Variants in ADCY1 observed in about 807,000 individuals in gnomAD.
The protein encoded by ADCY1 is adenylate cyclase type 1.
A neutral mutation model predicts 105.4 loss-of-function variants in ADCY1; 28 were observed. The observed-to-expected ratio is 0.27, with a 90% CI of 0.20 to 0.36. The LOEUF is 0.36. Ranked by LOEUF, ADCY1 falls within the 10% of genes least tolerant of loss-of-function variation. The probability of loss-of-function intolerance (pLI) is 1.00; values close to 1 mark genes in which losing one functional copy is unlikely to be tolerated. For missense variants in ADCY1, 977 were observed against 1,434.2 expected (o/e 0.68, Z 5.15); for synonymous variants, 655 against 623.8 (o/e 1.05, Z -0.75).
Position 45,721,825 on chromosome 7 carries a change from C to A in ADCY1, c.*7830C>A. 1 of 398,634 alleles carries A rather than the reference C, an allele frequency of 2.5e-6. No individual in the cohort carries two copies. 24.7% of individuals were successfully genotyped at this position (398,634 alleles called of 1,614,324 possible). On this transcript the variant is annotated 3_prime_UTR_variant, in exon 20 of 20. Transcript: ENST00000297323. ...TCCTGGGCATTGGTTCCTGCTGGTA[C>A]CGGGCGGTTCAGACCTTCAAATAGG...
chr7:45,623,357 G>A (rs757943864), intron 4 of ADCY1, among the ~76,000 whole-genome samples: 6 of 152,246 alleles, frequency 3.9e-5, no homozygotes, highest in Non-Finnish European at 8.8e-5. Context: ...TGCATGTTAG[G>A]AAGCAAAGAT....
chr7:45,706,436 A>T (rs1353258354), intron 17 of ADCY1, among the ~76,000 whole-genome samples: 1 of 140,068 alleles, frequency 7.1e-6, no homozygotes, highest in African/African-American at 2.6e-5. Flanking sequence ...TAGCAATACC[A>T]TGGAGAAAGG....
rs751166710 is a variant in ADCY1, at chr7:45,686,556, C to G, written c.2337C>G (p.Ala779=). 1.7e-5 allele frequency: 27 copies of G among 1,610,804 alleles called. No individual in the cohort carries two copies. In the South Asian group the frequency reaches 2.6e-4, roughly 16 times the overall value. The change falls in exon 14 of 20, where the codon GCC becomes GCG. Residue 779 remains alanine, a synonymous_variant. Coordinates refer to ENST00000297323, the MANE Select transcript of ADCY1 (RefSeq NM_021116.4). The surrounding 1 kb of genome is among the most constrained non-coding windows in gnomAD (Gnocchi z 4.3). The stretch of plus-strand genomic sequence containing the variant: ...CCTCATCTTCCCCCAGGGGTGGTGC[C>G]GTCTCCGGGCGCAGCTACGAGCCGA... The part of the protein sequence containing the change: ...LSGYTRTGGG[A]VSGRSYEPIV...
chr7:45,579,945 T>A (rs1562670536), intron 1 of ADCY1, among the ~76,000 whole-genome samples: 1 of 115,054 alleles, frequency 8.7e-6, no homozygotes, highest in Non-Finnish European at 1.8e-5. Context: ...AACTGCCCCG[T>A]CCCCCCCTTC....
At chr7:45,653,912 G>A (rs1205507764) in intron 5 of ADCY1, among the ~76,000 whole-genome samples, 1 of 152,216 alleles carries the variant, frequency 6.6e-6, no homozygotes, top group Admixed American at 6.5e-5. Flanking sequence ...TCTTGAGTGG[G>A]CTGGGGGGCT....
At chr7:45,669,742 A>G (rs529899631) in intron 8 of ADCY1, among the ~76,000 whole-genome samples, 1 of 152,192 alleles carries the variant, frequency 6.6e-6, no homozygotes, top group Non-Finnish European at 1.5e-5. Flanking sequence ...TACCATATCT[A>G]TCTGAATTTA....
chr7:45,679,120 T>C (rs868781023), intron 10 of ADCY1, among the ~76,000 whole-genome samples: 1 of 152,190 alleles, frequency 6.6e-6, no homozygotes, highest in Non-Finnish European at 1.5e-5. Flanking sequence ...CTTGCCACTT[T>C]ACTTTCAAGT....
intron 19 of ADCY1, among the ~76,000 whole-genome samples, chr7:45,711,362 G>C (rs1045940163): frequency 2.6e-5 from 4 of 151,972 alleles, no homozygotes; most frequent in African/African-American, 9.7e-5. Flanking sequence ...AGCTATTCAC[G>C]GGGGCAGTTT....
At chr7:45,607,189 C>T (rs75119980) in intron 2 of ADCY1, among the ~76,000 whole-genome samples, 9,579 of 152,210 alleles carry the variant, frequency 0.063, 305 homozygotes, top group Non-Finnish European at 0.067. Context: ...TTAGGAACGT[C>T]GTGTGACAGT....
At chr7:45,655,465 A>G (rs1480251050) in intron 5 of ADCY1, among the ~76,000 whole-genome samples, 1 of 152,266 alleles carries the variant, frequency 6.6e-6, no homozygotes, top group East Asian at 1.9e-4. Context: ...TTCCTTGGAA[A>G]TGAAGTTAAA....
intron 1 of ADCY1, among the ~76,000 whole-genome samples, chr7:45,588,575 C>T (rs1381608437): frequency 6.6e-6 from 1 of 152,190 alleles, no homozygotes; most frequent in East Asian, 1.9e-4. Flanking sequence ...CAGAGTCTAA[C>T]CTGCCTCCCA....
intron 8 of ADCY1, among the ~76,000 whole-genome samples, chr7:45,666,675 T>C (rs2116147414): frequency 6.6e-6 from 1 of 152,364 alleles, no homozygotes; most frequent in African/African-American, 2.4e-5. Context: ...ATGGTATTTC[T>C]AGTTCTAGAT....
At chr7:45,658,384 G>C (rs528122559) in intron 6 of ADCY1, among the ~76,000 whole-genome samples, 1 of 152,346 alleles carries the variant, frequency 6.6e-6, no homozygotes, top group African/African-American at 2.4e-5. Flanking sequence ...GCCATGGGCT[G>C]TTGATGGCTG....
Position 45,685,012 on chromosome 7 carries a change from A to T in ADCY1, c.2017A>T (p.Thr673Ser), listed in dbSNP as rs747528619. 6.2e-7 allele frequency: 1 copy of T among 1,614,222 alleles called. No homozygotes were observed. Among genetic ancestry groups the T allele is most frequent in the Non-Finnish European group, 8.5e-7 (1 of 1,180,024 alleles). The change falls in exon 12 of 20, where the codon ACT becomes TCT. Residue 673 changes from threonine to serine, a missense_variant. Thr to Ser is a moderately conservative substitution (Grantham distance 58). Coordinates refer to ENST00000297323, the MANE Select transcript of ADCY1 (RefSeq NM_021116.4). ...FPGCLTIQIR[T>S]VLCIFIVVLI... ...AGGGTGCCTGACGATTCAGATTCGC[A>T]CTGTCCTGTGTATTTTCATAGTGGT... is the stretch of plus-strand genomic sequence containing the variant.
chr7:45,717,212 G>A lies in ADCY1; in HGVS notation c.*3217G>A, dbSNP rs762459626. 2 of 152,148 alleles carry A rather than the reference G, an allele frequency of 1.3e-5. No homozygotes were observed. The highest frequency in any genetic ancestry group is 1.9e-4 in the East Asian group (1 of 5,174). 9.4% of individuals were successfully genotyped at this position (152,148 alleles called of 1,614,324 possible). ...TAGGGCAGTGAGAGGAAGCCGTCGCGGGGACCATGCTGCCTTCTCTGGGCT... is the reference window on the plus strand; with the variant it reads ...TAGGGCAGTGAGAGGAAGCCGTCGCAGGGACCATGCTGCCTTCTCTGGGCT... On this transcript the variant is annotated 3_prime_UTR_variant, in exon 20 of 20. Transcript: ENST00000297323.
In ADCY1 at chr7:45,710,396, C is replaced by A. The variant is rs1360318471; in HGVS notation, c.2933-132C>A. On this transcript the variant is annotated intron_variant, in intron 18 of 19. Coordinates refer to ENST00000297323, the MANE Select transcript of ADCY1 (RefSeq NM_021116.4). The surrounding 1 kb of genome is among the most constrained non-coding windows in gnomAD (Gnocchi z 4.7). ...CAGGAAGGAGCCTGGTGCTAGGTGA[C>A]CCCAGGAAACAAAGCCCTGAAAGGA... is the stretch of plus-strand genomic sequence containing the variant. 6.0e-6 allele frequency: 8 copies of A among 1,331,164 alleles called. No homozygotes were observed. In the Admixed American group the frequency reaches 1.8e-4, roughly 30 times the overall value. The allele number at this position is 1,331,164 out of a possible 1,614,324, so 82.5% of individuals were successfully genotyped here.
At chr7:45,655,780 A>C (rs550344969) in intron 5 of ADCY1, among the ~76,000 whole-genome samples, 1 of 152,268 alleles carries the variant, frequency 6.6e-6, no homozygotes, top group Middle Eastern at 3.4e-3. Context: ...GAAGGTGGGC[A>C]TGGGTCCCAG....
Position 45,678,199 on chromosome 7 carries a change from G to T in ADCY1, c.1834G>T (p.Ala612Ser). 6.2e-7 allele frequency: 1 copy of T among 1,614,136 alleles called. No homozygotes were observed. The highest frequency in any genetic ancestry group is 8.5e-7 in the Non-Finnish European group (1 of 1,180,042). Residue 612 changes from alanine to serine, a missense_variant, in exon 10 of 20, where the codon GCC becomes TCC. Physicochemically the swap from Ala to Ser is moderately conservative, Grantham distance 99. This residue lies in a region of ADCY1 where 275 missense variants were observed against 362.1 expected (regional missense o/e 0.76). Coordinates refer to ENST00000297323, the MANE Select transcript of ADCY1 (RefSeq NM_021116.4). The stretch of plus-strand genomic sequence containing the variant: ...GCTTCAGGACGAGTATTTCACCAGC[G>T]CCGTTGTCCTCACCCTCATCCTGGC... ...HQLQDEYFTSAVVLTLILAAL... is the reference protein window; with the variant it reads ...HQLQDEYFTSSVVLTLILAAL...
At chr7:45,574,249 G>GCACA, upstream of ADCY1, 8 of 650,616 alleles carry the variant, frequency 1.2e-5, no homozygotes, top group South Asian at 6.8e-5. This position sits in a 1 kb window ranked among gnomAD's most constrained non-coding sequence, Gnocchi z 7.0. Context: ...GTTGGGGCGC[G>GCACA]GGCTGTGCGC....
Sources: gnomAD v4.1 joint callset for allele counts (sites outside exome capture counted in the v4.1 genomes callset) on GRCh38, gnomAD v4.1.1 for gene constraint, gnomAD v4.1.1 regional missense constraint, Gnocchi (gnomAD v3.1) non-coding constraint, MANE v1.5 for transcripts, NCBI Gene and HGNC (gene_info 2026-07-23, HGNC 2026-07-21) for gene names.